DPP10: variants seen among roughly 807,000 people sequenced by gnomAD.
DPP10 encodes the protein inactive dipeptidyl peptidase 10.
A neutral mutation model predicts 120.9 loss-of-function variants in DPP10; 33 were observed. That is an observed-to-expected ratio of 0.27 (90% CI 0.21 to 0.37). The LOEUF is 0.37. Ranked by LOEUF, DPP10 falls within the 10% of genes least tolerant of loss-of-function variation. The pLI is 1.00. For synonymous variants in DPP10, 337 were observed against 326.1 expected (o/e 1.03, Z -0.36); for missense variants, 816 against 942.8 (o/e 0.87, Z 1.76).
intron 1 of DPP10, among the ~76,000 whole-genome samples, chr2:115,245,543 G>C (rs763448010): frequency 1.3e-5 from 2 of 152,116 alleles, no homozygotes; most frequent in African/African-American, 4.8e-5. Flanking sequence ...ATGTAAACTA[G>C]TATAGCCACT....
chr2:114,768,285 T>A (rs1680924855), intron 1 of DPP10, among the ~76,000 whole-genome samples: 2 of 152,136 alleles, frequency 1.3e-5, no homozygotes, highest in Non-Finnish European at 2.9e-5. Context: ...AAGGATATAT[T>A]CCAAAAGGAG....
intron 1 of DPP10, among the ~76,000 whole-genome samples, chr2:115,067,235 C>A (rs187426486): frequency 1.3e-5 from 2 of 151,908 alleles, no homozygotes; most frequent in Admixed American, 1.3e-4. Flanking sequence ...GACAGAATGT[C>A]CTTTTTTTTG....
chr2:115,248,596 A>T (rs2058632808), intron 1 of DPP10, among the ~76,000 whole-genome samples: 1 of 152,104 alleles, frequency 6.6e-6, no homozygotes, highest in Non-Finnish European at 1.5e-5. Context: ...ATGATGAAGT[A>T]GGTAAAGTTC....
At chr2:115,017,015 C>G (rs1467536360) in intron 1 of DPP10, among the ~76,000 whole-genome samples, 1 of 138,178 alleles carries the variant, frequency 7.2e-6, no homozygotes, top group East Asian at 2.1e-4. Context: ...AATGAGAACA[C>G]ATGAACACAG....
At chr2:114,514,895 A>G (rs1428714752) in intron 1 of DPP10, among the ~76,000 whole-genome samples, 1 of 152,042 alleles carries the variant, frequency 6.6e-6, no homozygotes, top group Non-Finnish European at 1.5e-5. Flanking sequence ...TCCTATTGCC[A>G]ATAGATATCA....
At chr2:115,628,620 G>C (rs1189575692) in intron 5 of DPP10, among the ~76,000 whole-genome samples, 1 of 151,996 alleles carries the variant, frequency 6.6e-6, no homozygotes, top group Non-Finnish European at 1.5e-5. Context: ...GGCATTGCCT[G>C]CATATTGTTC....
intron 3 of DPP10, among the ~76,000 whole-genome samples, chr2:115,402,453 G>A (rs1040141699): frequency 2.0e-5 from 3 of 152,014 alleles, no homozygotes; most frequent in African/African-American, 4.8e-5. Context: ...AATGCAAGGC[G>A]AGGCATCACA....
At chr2:115,198,579 A>T (rs2055456806) in intron 1 of DPP10, among the ~76,000 whole-genome samples, 1 of 152,110 alleles carries the variant, frequency 6.6e-6, no homozygotes, top group Non-Finnish European at 1.5e-5. Flanking sequence ...TTACTCCTTC[A>T]GCTTCTTAAA....
chr2:114,556,743 A>T (rs896042701), intron 1 of DPP10, among the ~76,000 whole-genome samples: 1 of 152,196 alleles, frequency 6.6e-6, no homozygotes, highest in African/African-American at 2.4e-5. Context: ...GGTCTAATAG[A>T]TGATGGAGTC....
intron 1 of DPP10, among the ~76,000 whole-genome samples, chr2:114,814,700 G>T (rs959648342): frequency 6.6e-6 from 1 of 151,930 alleles, no homozygotes; most frequent in Admixed American, 6.6e-5. Flanking sequence ...GAAAAAAAAA[G>T]CTGACTCCAT....
At chr2:115,383,825 T>G (rs2066631490) in intron 3 of DPP10, among the ~76,000 whole-genome samples, 1 of 152,236 alleles carries the variant, frequency 6.6e-6, no homozygotes, top group Non-Finnish European at 1.5e-5. Flanking sequence ...TTCCAACATT[T>G]GATTCTTGCA....
chr2:114,790,735 C>G (rs1239721554), intron 1 of DPP10, among the ~76,000 whole-genome samples: 4 of 152,124 alleles, frequency 2.6e-5, no homozygotes, highest in African/African-American at 9.7e-5. Flanking sequence ...AGAACTTTCA[C>G]AAGGTACTGT....
At chr2:115,338,510 G>T (rs1396462083) in intron 2 of DPP10, among the ~76,000 whole-genome samples, 4 of 151,950 alleles carry the variant, frequency 2.6e-5, no homozygotes, top group Admixed American at 6.6e-5. Context: ...GTGAAGTGGC[G>T]CAGTGGCACA....
rs568622745 is a variant in DPP10 at position 115,636,983 on chromosome 2, G to A, written c.442-52704G>A. Among the ~76,000 whole-genome samples, 9 of 152,260 alleles carry A rather than the reference G, an allele frequency of 5.9e-5. No individual in the cohort carries two copies. The South Asian group carries it at 1.9e-3, about 32-fold the overall frequency. The stretch of plus-strand genomic sequence containing the variant: ...ATTAGAAACCTAAATACAATGGAAT[G>A]TAACTTCAGTGAGCTGAAATAGCTT... On this transcript the variant is annotated intron_variant, in intron 5 of 25. Transcript: ENST00000410059.
intron 1 of DPP10, among the ~76,000 whole-genome samples, chr2:114,819,321 A>G (rs1034249274): frequency 1.8e-4 from 28 of 152,164 alleles, no homozygotes; most frequent in African/African-American, 6.0e-4. Context: ...GCTACCAACT[A>G]GCTTTGAGAC....
At chr2:115,379,961 C>A (rs993175635) in intron 3 of DPP10, among the ~76,000 whole-genome samples, 1 of 152,112 alleles carries the variant, frequency 6.6e-6, no homozygotes, top group Non-Finnish European at 1.5e-5. Context: ...CTGTGGAGAG[C>A]TTTACTTCCA....
At chr2:114,919,597 A>G (rs1403052091) in intron 1 of DPP10, among the ~76,000 whole-genome samples, 1 of 152,174 alleles carries the variant, frequency 6.6e-6, no homozygotes, top group Non-Finnish European at 1.5e-5. Context: ...GTAAAGTTAA[A>G]CTCAATCTAG....
At chr2:114,965,315 T>G (rs930072755) in intron 1 of DPP10, among the ~76,000 whole-genome samples, 4 of 151,682 alleles carry the variant, frequency 2.6e-5, no homozygotes, top group Non-Finnish European at 4.4e-5. Context: ...TTTGGTATTA[T>G]TAGTAGGGAC....
intron 18 of DPP10, 46 bp downstream of exon 18, chr2:115,791,225 C>A (rs561048610): frequency 4.4e-6 from 7 of 1,603,468 alleles, no homozygotes; most frequent in Non-Finnish European, 6.0e-6. Context: ...ACTTTCTCTG[C>A]GTCTTATAGT....
Sources: gnomAD v4.1 joint callset for allele counts (sites outside exome capture counted in the v4.1 genomes callset) on GRCh38, gnomAD v4.1.1 for gene constraint, MANE v1.5 for transcripts, NCBI Gene and HGNC (gene_info 2026-07-23, HGNC 2026-07-21) for gene names.